Variants in SHISA9 observed in about 807,000 individuals in gnomAD.
SHISA9 encodes shisa family member 9, also known as protein shisa-9.
A neutral mutation model predicts 38.0 loss-of-function variants in SHISA9; 13 were observed. The observed-to-expected ratio is 0.34, with a 90% confidence interval of 0.22 to 0.54. The LOEUF (loss-of-function observed/expected upper bound fraction) is 0.54. Among genes scored for constraint, SHISA9 ranks in the 20% least tolerant of loss-of-function variants. The pLI is 0.91. For synonymous variants in SHISA9, 275 were observed against 242.0 expected (o/e 1.14, Z -1.27); for missense variants, 538 against 575.8 (o/e 0.93, Z 0.67).
chr16:13,499,601 TA>T, the SHISA9 span, among the ~76,000 whole-genome samples: 2 of 152,038 alleles, frequency 1.3e-5, no homozygotes, highest in Non-Finnish European at 2.9e-5. Flanking sequence ...ATAAATTCTC[TA>T]TAATATATTT....
chr16:12,968,585 G>A (rs1266681751), intron 2 of SHISA9, among the ~76,000 whole-genome samples: 1 of 152,192 alleles, frequency 6.6e-6, no homozygotes. Flanking sequence ...ACATTTTTGA[G>A]AATGAACAGC....
At chr16:12,973,766 A>T (rs2072117296) in intron 2 of SHISA9, among the ~76,000 whole-genome samples, 1 of 152,166 alleles carries the variant, frequency 6.6e-6, no homozygotes, top group Admixed American at 6.5e-5. Context: ...AGTAGCACTG[A>T]TTTGGGCACA....
intron 2 of SHISA9, among the ~76,000 whole-genome samples, chr16:13,060,097 A>C (rs2073356532): frequency 6.6e-6 from 1 of 152,224 alleles, no homozygotes; most frequent in African/African-American, 2.4e-5. Flanking sequence ...ACCCAGAGTC[A>C]CATGACAGTT....
chr16:13,557,710 CA>C, the SHISA9 span, among the ~76,000 whole-genome samples: 1 of 152,130 alleles, frequency 6.6e-6, no homozygotes, highest in Non-Finnish European at 1.5e-5. Context: ...AGGACTTTTG[CA>C]ACAAGAAAGA....
chr16:13,235,024 G>A lies in SHISA9; in HGVS notation c.896-6G>A, dbSNP rs2051367962. ...CCCTTCTTCATCCACCCGTTCCGAT[G>A]TGTAGCTGACAAGGTCAATGACGAC... On this transcript the variant is annotated splice_region_variant and splice_polypyrimidine_tract_variant and intron_variant, in intron 4 of 4. Transcript: ENST00000558583. The A allele has an allele frequency of 2.0e-6, 3 of 1,538,242 alleles. No individual in the cohort carries two copies. The highest frequency in any genetic ancestry group is 2.6e-6 in the Non-Finnish European group (3 of 1,137,936).
intron 2 of SHISA9, among the ~76,000 whole-genome samples, chr16:13,069,196 A>G (rs1366283484): frequency 6.6e-6 from 1 of 152,040 alleles, no homozygotes. Flanking sequence ...ATGTGTATAC[A>G]TGTGTACATG....
At chr16:13,392,604 A>T in the SHISA9 span, among the ~76,000 whole-genome samples, 1 of 152,172 alleles carries the variant, frequency 6.6e-6, no homozygotes, top group Non-Finnish European at 1.5e-5. Context: ...ACCTAGGCTC[A>T]CAATGATGTA....
the SHISA9 span, among the ~76,000 whole-genome samples, chr16:13,481,614 T>C: frequency 2.0e-5 from 3 of 152,188 alleles, no homozygotes; most frequent in Admixed American, 1.3e-4. Flanking sequence ...ACCAGTCTTA[T>C]GTCTACCACT....
At chr16:12,945,809 A>G (rs1166672292) in intron 2 of SHISA9, among the ~76,000 whole-genome samples, 1 of 152,262 alleles carries the variant, frequency 6.6e-6, no homozygotes, top group Non-Finnish European at 1.5e-5. Context: ...TAAGAATGAG[A>G]ATATGGCCAG....
chr16:13,021,408 C>T (rs2072852268), intron 2 of SHISA9, among the ~76,000 whole-genome samples: 4 of 152,166 alleles, frequency 2.6e-5, no homozygotes, highest in Admixed American at 2.6e-4. Context: ...CCTGAGAGTG[C>T]ATTTACCACA....
At chr16:13,261,150 A>T in the SHISA9 span, among the ~76,000 whole-genome samples, 1 of 152,192 alleles carries the variant, frequency 6.6e-6, no homozygotes, top group Non-Finnish European at 1.5e-5. Context: ...GGGCGGGGAC[A>T]CAAACCGTAT....
At chr16:13,465,401 A>G in the SHISA9 span, among the ~76,000 whole-genome samples, 27 of 152,326 alleles carry the variant, frequency 1.8e-4, no homozygotes, top group African/African-American at 6.5e-4. Context: ...GAAAAGTCCA[A>G]TAAGATTTCG....
At chr16:13,546,518 T>C in the SHISA9 span, among the ~76,000 whole-genome samples, 3 of 152,172 alleles carry the variant, frequency 2.0e-5, no homozygotes, top group African/African-American at 7.2e-5. Flanking sequence ...TCATTACCTA[T>C]CAATAGTAAC....
At chr16:13,451,160 G>C in the SHISA9 span, among the ~76,000 whole-genome samples, 1 of 152,208 alleles carries the variant, frequency 6.6e-6, no homozygotes, top group Non-Finnish European at 1.5e-5. Context: ...CTTCTCAGTG[G>C]TGGTACGTCT....
chr16:13,010,921 C>T (rs1050045719), intron 2 of SHISA9, among the ~76,000 whole-genome samples: 3 of 152,232 alleles, frequency 2.0e-5, no homozygotes, highest in African/African-American at 7.2e-5. Context: ...CACAGCATTG[C>T]AGCCTGGACA....
chr16:13,419,610 G>A, the SHISA9 span, among the ~76,000 whole-genome samples: 1 of 152,174 alleles, frequency 6.6e-6, no homozygotes, highest in Non-Finnish European at 1.5e-5. Context: ...AAGTAGAGGA[G>A]GTAATTTAGA....
chr16:13,147,365 A>G (rs963243851), intron 2 of SHISA9, among the ~76,000 whole-genome samples: 1 of 151,690 alleles, frequency 6.6e-6, no homozygotes, highest in Non-Finnish European at 1.5e-5. Flanking sequence ...GTCATAAAAT[A>G]GTGACAGCAG....
chr16:12,957,885 G>C (rs1187411126), intron 2 of SHISA9, among the ~76,000 whole-genome samples: 1 of 152,144 alleles, frequency 6.6e-6, no homozygotes, highest in East Asian at 1.9e-4. Flanking sequence ...GAGAGCTCTG[G>C]TCTTTTTCTA....
intron 2 of SHISA9, among the ~76,000 whole-genome samples, chr16:13,064,846 G>A (rs578080148): frequency 4.3e-4 from 65 of 151,912 alleles, no homozygotes; most frequent in African/African-American, 1.5e-3. Context: ...CCTCACCAGA[G>A]TGGGATATAA....
Sources: gnomAD v4.1 joint callset for allele counts (sites outside exome capture counted in the v4.1 genomes callset) on GRCh38, gnomAD v4.1.1 for gene constraint, MANE v1.5 for transcripts, NCBI Gene and HGNC (gene_info 2026-07-23, HGNC 2026-07-21) for gene names.